Variants in NUP42 observed in about 807,000 individuals in gnomAD.
The protein encoded by NUP42 is nucleoporin 42, also known as nucleoporin NUP42.
Under a neutral mutation model 35.9 loss-of-function variants are expected in NUP42, and 47 were observed. The observed-to-expected ratio is 1.31, with a 90% CI of 1.04 to 1.67. The LOEUF (loss-of-function observed/expected upper bound fraction) is 1.67, where lower values mean the gene tolerates loss of function less well. NUP42 is among the 40% of genes most tolerant of loss of function. NUP42 has a pLI of 0.00. For synonymous variants in NUP42, 173 were observed against 173.3 expected (o/e 1.00, Z 0.01); for missense variants, 514 against 492.2 (o/e 1.04, Z -0.42).
At chr7:23,182,542 G>A in intron 1 of NUP42, 1 of 1,041,478 alleles carries the variant, frequency 9.6e-7, no homozygotes, top group Admixed American at 4.8e-5. Context: ...TCGAGGGTGA[G>A]GCTAGCAGCT....
intron 3 of NUP42, chr7:23,194,876 GA>G (rs1322183238): frequency 6.6e-6 from 1 of 151,906 alleles, no homozygotes; most frequent in African/African-American, 2.4e-5. Context: ...TTTTAGTAGA[GA>G]GGGGGTTTCA....
At chr7:23,194,673 T>TTTTGTTTTTGCTTTTGC in intron 3 of NUP42, 1 of 161,166 alleles carries the variant, frequency 6.2e-6, no homozygotes, top group Non-Finnish European at 1.2e-5. Flanking sequence ...AATCCAGTTT[T>TTTTGTTTTTGCTTTTGC]TTTTGTTTTT....
chr7:23,192,883 T>C (rs2128473983), intron 3 of NUP42, among the ~76,000 whole-genome samples: 1 of 152,336 alleles, frequency 6.6e-6, no homozygotes, highest in South Asian at 2.1e-4. Flanking sequence ...GTTCTTGGTC[T>C]CACTGACTTC....
intron 3 of NUP42, chr7:23,188,345 C>G (rs1785675818): frequency 8.9e-7 from 1 of 1,125,388 alleles, no homozygotes; most frequent in Non-Finnish European, 1.1e-6. Context: ...CCTTATGAAT[C>G]TTACATTCTT....
At chr7:23,187,961 A>G in intron 3 of NUP42, 1 of 635,778 alleles carries the variant, frequency 1.6e-6, no homozygotes, top group South Asian at 2.4e-5. Flanking sequence ...TCTGGCCTGG[A>G]ATAGCATTTG....
At chr7:23,184,803 G>T (rs1785533583) in intron 1 of NUP42, among the ~76,000 whole-genome samples, 1 of 152,092 alleles carries the variant, frequency 6.6e-6, no homozygotes, top group Non-Finnish European at 1.5e-5. Context: ...CCAGGAGTTT[G>T]AGACCAACCC....
intron 3 of NUP42, among the ~76,000 whole-genome samples, chr7:23,193,839 G>C (rs1012007544): frequency 2.0e-5 from 3 of 152,370 alleles, no homozygotes; most frequent in South Asian, 4.1e-4. Context: ...TGAGGGGGAG[G>C]CTCAGGCATG....
intron 3 of NUP42, among the ~76,000 whole-genome samples, chr7:23,189,024 CTG>C (rs2128473243): frequency 6.6e-6 from 1 of 152,290 alleles, no homozygotes; most frequent in South Asian, 2.1e-4. Context: ...TTTTAGTATT[CTG>C]TGTGACAAAA....
At chr7:23,192,818 G>A (rs1347797753) in intron 3 of NUP42, among the ~76,000 whole-genome samples, 2 of 152,298 alleles carry the variant, frequency 1.3e-5, no homozygotes, top group Admixed American at 6.5e-5. Flanking sequence ...GTACAGGGAT[G>A]TATAAGTTGT....
chr7:23,187,228 C>A, intron 3 of NUP42, 82 bp downstream of exon 3: 3 of 888,640 alleles, frequency 3.4e-6, no homozygotes, highest in South Asian at 1.5e-5. Context: ...ATAAAGAAAT[C>A]AACTACCAAC....
rs1389583830 is a variant in NUP42 at position 23,188,315 on chromosome 7, C to T, written c.445+1169C>T. On this transcript the variant is annotated intron_variant, in intron 3 of 6. Transcript: ENST00000258742. ...TAAGTGCTAGGAATATAGTGATGAG[C>T]AAGACAGACAAGATCCCTTCCTTAT... is the stretch of plus-strand genomic sequence containing the variant. 9 of 1,161,256 alleles carry T rather than the reference C, an allele frequency of 7.8e-6. No homozygotes were observed. In the African/African-American group the frequency reaches 1.4e-4, roughly 19 times the overall value. The allele number at this position is 1,161,256 out of a possible 1,614,324, so 71.9% of individuals were successfully genotyped here.
At chr7:23,199,803 T>C (rs1786146942) in intron 6 of NUP42, among the ~76,000 whole-genome samples, 1 of 152,226 alleles carries the variant, frequency 6.6e-6, no homozygotes, top group Middle Eastern at 3.2e-3. Flanking sequence ...ATAGCTATGA[T>C]AGCAGCACCT....
chr7:23,184,113 G>T (rs1583756607), intron 1 of NUP42, among the ~76,000 whole-genome samples: 1 of 152,086 alleles, frequency 6.6e-6, no homozygotes, highest in East Asian at 1.9e-4. Flanking sequence ...AGAGAGGAGA[G>T]AATCTTTTTG....
chr7:23,182,371 T>G (rs1293833816), intron 1 of NUP42, 165 bp downstream of exon 1: 26 of 1,429,946 alleles, frequency 1.8e-5, no homozygotes, highest in Admixed American at 2.9e-5. Context: ...GAGGGTTTTA[T>G]CTACATATTA....
At chr7:23,195,762 C>A in intron 3 of NUP42, 77 bp from the exon 4 acceptor site, 1 of 873,792 alleles carries the variant, frequency 1.1e-6, no homozygotes, top group Non-Finnish European at 1.8e-6. Context: ...TAGATATTTT[C>A]TTGTTTAGCA....
chr7:23,184,991 G>A (rs950655668), intron 1 of NUP42, 79 bp from the exon 2 acceptor site: 256 of 1,212,558 alleles, frequency 2.1e-4, no homozygotes, highest in Non-Finnish European at 2.8e-4. Context: ...GGGCAAAAGA[G>A]TGAGACCCTA....
intron 3 of NUP42, among the ~76,000 whole-genome samples, chr7:23,187,824 T>G (rs1785647676): frequency 1.3e-5 from 2 of 151,580 alleles, no homozygotes; most frequent in South Asian, 4.2e-4. Flanking sequence ...CAGTCTAGTC[T>G]AGAACTCCTG....
In NUP42 at chr7:23,194,211, A is replaced by G. The variant is rs573272458; in HGVS notation, c.446-1628A>G. Reference sequence around the variant, plus strand: ...TGGGCTGAAGGTCTCCTCAAGTGCCACCAAAGTGGGAGCCCAGGTAGAGGA... The same window carrying G: ...TGGGCTGAAGGTCTCCTCAAGTGCCGCCAAAGTGGGAGCCCAGGTAGAGGA... On this transcript the variant is annotated intron_variant, in intron 3 of 6. Coordinates refer to ENST00000258742, the MANE Select transcript of NUP42 (RefSeq NM_007342.3). 5.3e-5 allele frequency among the ~76,000 whole-genome samples: 8 copies of G among 152,350 alleles called. No individual in the cohort carries two copies. In the East Asian group the frequency reaches 1.4e-3, roughly 26 times the overall value.
chr7:23,197,188 A>G (rs990493904), intron 5 of NUP42: 5 of 1,299,450 alleles, frequency 3.8e-6, no homozygotes, highest in Middle Eastern at 2.1e-4. Context: ...CCTTTGGAAG[A>G]TATATACCCA....
Sources: allele counts gnomAD v4.1 joint callset (sites outside exome capture counted in the v4.1 genomes callset), GRCh38; gene constraint gnomAD v4.1.1; transcripts MANE v1.5; gene names NCBI Gene and HGNC (gene_info 2026-07-23, HGNC 2026-07-21).